RIMS2: variants seen among roughly 807,000 people sequenced by gnomAD.
The protein encoded by RIMS2 is regulating synaptic membrane exocytosis protein 2.
In RIMS2, 59 loss-of-function variants were observed where a neutral mutation model predicts 174.4. The ratio of observed to expected loss-of-function variants is 0.34; its 90% CI spans 0.27 to 0.42. The LOEUF (loss-of-function observed/expected upper bound fraction) is 0.42, where lower values mean the gene tolerates loss of function less well. RIMS2 is among the 10% of genes least tolerant of loss of function. The probability of loss-of-function intolerance (pLI) is 1.00; values close to 1 mark genes in which losing one functional copy is unlikely to be tolerated. For missense variants in RIMS2, 1,620 were observed against 1,666.3 expected, an observed-to-expected ratio of 0.97 and a Z score of 0.48; for synonymous variants, 606 against 572.5, an observed-to-expected ratio of 1.06 and a Z score of -0.84.
intron 1 of RIMS2, among the ~76,000 whole-genome samples, chr8:103,696,644 A>G (rs1187945108): frequency 2.0e-5 from 3 of 152,106 alleles, no homozygotes; most frequent in Admixed American, 1.3e-4. Flanking sequence ...AGGCAGGCGA[A>G]TCCCTTGAGG....
intron 19 of RIMS2, among the ~76,000 whole-genome samples, chr8:104,123,420 T>C (rs1236232347): frequency 1.3e-5 from 2 of 152,014 alleles, no homozygotes; most frequent in East Asian, 3.9e-4. Flanking sequence ...TTAAAAAAAT[T>C]AAAACCTTTA....
chr8:103,596,874 C>T (rs779407863), intron 1 of RIMS2, among the ~76,000 whole-genome samples: 114 of 152,056 alleles, frequency 7.5e-4, no homozygotes, highest in African/African-American at 2.5e-3. Context: ...GTAATAATTG[C>T]ATCACTAATT....
chr8:103,985,580 C>G (rs1046573265), intron 16 of RIMS2, among the ~76,000 whole-genome samples: 6 of 150,736 alleles, frequency 4.0e-5, no homozygotes, highest in Non-Finnish European at 7.4e-5. Context: ...GTATTTTGTG[C>G]CCTTATCAAT....
intron 1 of RIMS2, among the ~76,000 whole-genome samples, chr8:103,677,276 G>T (rs983827552): frequency 5.9e-5 from 9 of 152,004 alleles, no homozygotes; most frequent in African/African-American, 1.7e-4. Flanking sequence ...AAACAAAGGG[G>T]ATGGTACACA....
chr8:103,856,193 T>G (rs1286717892), intron 3 of RIMS2, among the ~76,000 whole-genome samples: 1 of 152,222 alleles, frequency 6.6e-6, no homozygotes, highest in Admixed American at 6.5e-5. Flanking sequence ...CTCTGTTATC[T>G]GATATAGGAT....
At chr8:103,507,571 AG>A (rs1824282748) in intron 1 of RIMS2, among the ~76,000 whole-genome samples, 1 of 151,938 alleles carries the variant, frequency 6.6e-6, no homozygotes, top group Admixed American at 6.6e-5. Context: ...CTTATGTAGT[AG>A]TGTCCTTATT....
At chr8:103,517,198 G>A (rs1436600) in intron 1 of RIMS2, among the ~76,000 whole-genome samples, 53,804 of 152,032 alleles carry the variant, frequency 0.35, 10,258 homozygotes, top group East Asian at 0.77. Flanking sequence ...GAAGGGGCTA[G>A]TATACGAACA....
At chr8:104,054,978 G>T (rs376273434) in intron 19 of RIMS2, among the ~76,000 whole-genome samples, 3 of 151,960 alleles carry the variant, frequency 2.0e-5, no homozygotes, top group East Asian at 3.9e-4. Context: ...CTCTGTATAG[G>T]AATCCATTTA....
intron 19 of RIMS2, among the ~76,000 whole-genome samples, chr8:104,216,837 C>T (rs1008589199): frequency 1.3e-5 from 2 of 152,128 alleles, no homozygotes; most frequent in African/African-American, 4.8e-5. Context: ...AGAATAGTGC[C>T]TGGCATGTGG....
At chr8:103,734,132 C>A (rs2097651509) in intron 2 of RIMS2, among the ~76,000 whole-genome samples, 1 of 150,592 alleles carries the variant, frequency 6.6e-6, no homozygotes, top group Non-Finnish European at 1.5e-5. Context: ...CCTCCCTCAG[C>A]CTCCCAAGTA....
At chr8:103,940,854 C>A (rs1013767161) in intron 13 of RIMS2, among the ~76,000 whole-genome samples, 20 of 141,246 alleles carry the variant, frequency 1.4e-4, no homozygotes, top group Admixed American at 7.3e-4. Flanking sequence ...CCAGCCTGGG[C>A]GACAGAGTGA....
downstream of RIMS2, chr8:104,251,900 C>T: frequency 4.9e-6 from 4 of 814,474 alleles, no homozygotes; most frequent in South Asian, 6.1e-5. Context: ...ACCCTGGTAA[C>T]ACTGCATGCT....
At chr8:103,804,674 A>G (rs1196203747) in intron 3 of RIMS2, among the ~76,000 whole-genome samples, 4 of 152,214 alleles carry the variant, frequency 2.6e-5, no homozygotes, top group Non-Finnish European at 5.9e-5. Flanking sequence ...GTTTTTCTAA[A>G]TCATCCTGGC....
chr8:103,578,652 G>A (rs2093412524), intron 1 of RIMS2, among the ~76,000 whole-genome samples: 1 of 152,050 alleles, frequency 6.6e-6, no homozygotes, highest in Admixed American at 6.6e-5. Flanking sequence ...TTCCAGGAGG[G>A]GAGTGGGGCA....
intron 19 of RIMS2, among the ~76,000 whole-genome samples, chr8:104,207,269 C>A (rs968229084): frequency 6.6e-6 from 1 of 152,084 alleles, no homozygotes; most frequent in Non-Finnish European, 1.5e-5. Flanking sequence ...AGCTGCAGAG[C>A]TAGCAAATAG....
At chr8:103,987,992 A>G (rs2094468762) in intron 16 of RIMS2, among the ~76,000 whole-genome samples, 1 of 152,236 alleles carries the variant, frequency 6.6e-6, no homozygotes, top group African/African-American at 2.4e-5. Context: ...TCAATTTTCC[A>G]TAAATTAATT....
chr8:103,759,098 T>C (rs2098073557), intron 2 of RIMS2, among the ~76,000 whole-genome samples: 1 of 152,226 alleles, frequency 6.6e-6, no homozygotes, highest in Admixed American at 6.5e-5. Flanking sequence ...TGTTCCAGTC[T>C]CTTCTTTCCA....
chr8:103,508,388 G>A (rs969852499), intron 1 of RIMS2, among the ~76,000 whole-genome samples: 2 of 151,602 alleles, frequency 1.3e-5, no homozygotes, highest in Non-Finnish European at 2.9e-5. Flanking sequence ...TGTTAGCTGG[G>A]CAGATTGTTC....
intron 3 of RIMS2, among the ~76,000 whole-genome samples, chr8:103,825,446 A>ATTTTTTTTTTTTTTT (rs35460743): frequency 7.6e-6 from 1 of 131,850 alleles, no homozygotes; most frequent in African/African-American, 2.9e-5. Context: ...TGGCTAGCTA[A>ATTTTTTTTTTTTTTT]TTTTTTTTTT....
Sources: gnomAD v4.1 joint callset for allele counts (sites outside exome capture counted in the v4.1 genomes callset) on GRCh38, gnomAD v4.1.1 for gene constraint, MANE v1.5 for transcripts, NCBI Gene and HGNC (gene_info 2026-07-23, HGNC 2026-07-21) for gene names.